Variants in RUNX1 observed in about 807,000 individuals in gnomAD.
RUNX1 encodes runt-related transcription factor 1.
RUNX1 carries 19 observed loss-of-function variants against 42.8 expected under a neutral mutation model. That is an observed-to-expected ratio of 0.44 (90% CI 0.31 to 0.65). RUNX1 has a LOEUF of 0.65. Among genes scored for constraint, RUNX1 ranks in the 30% least tolerant of loss-of-function variants. The pLI is 0.07. For synonymous variants in RUNX1, 271 were observed against 289.4 expected (o/e 0.94, Z 0.64); for missense variants, 528 against 672.0 (o/e 0.79, Z 2.37).
intron 2 of RUNX1, among the ~76,000 whole-genome samples, chr21:35,035,005 C>T (rs1367063263): frequency 6.6e-6 from 1 of 152,210 alleles, no homozygotes; most frequent in Non-Finnish European, 1.5e-5. Flanking sequence ...TACAAGGATG[C>T]ATTAGTGACC....
chr21:34,821,789 C>A, intron 7 of RUNX1: 3 of 1,077,876 alleles, frequency 2.8e-6, no homozygotes, highest in Admixed American at 2.8e-5. Context: ...TACCCCAAGG[C>A]GTGAAAGAAT....
chr21:35,026,111 G>A (rs977909093), intron 2 of RUNX1, among the ~76,000 whole-genome samples: 51 of 152,304 alleles, frequency 3.3e-4, no homozygotes, highest in Non-Finnish European at 1.2e-4. Flanking sequence ...GACTCAAGAT[G>A]TCCTTTTTAG....
intron 2 of RUNX1, among the ~76,000 whole-genome samples, chr21:34,950,734 AG>A (rs1489848338): frequency 6.6e-6 from 1 of 152,152 alleles, no homozygotes; most frequent in Non-Finnish European, 1.5e-5. Context: ...ACTTTGTCTC[AG>A]AAAAAAATTG....
chr21:34,825,689 G>A (rs941764982), intron 7 of RUNX1, among the ~76,000 whole-genome samples: 1 of 152,148 alleles, frequency 6.6e-6, no homozygotes, highest in African/African-American at 2.4e-5. Flanking sequence ...CAGTTTGAAC[G>A]GTGGCTCCAG....
chr21:34,802,499 A>G (rs969165460), intron 7 of RUNX1, among the ~76,000 whole-genome samples: 2 of 152,316 alleles, frequency 1.3e-5, no homozygotes, highest in South Asian at 4.1e-4. Flanking sequence ...TCATGTGTTC[A>G]TGAAATTACT....
chr21:34,854,061 G>A (rs779568596), intron 6 of RUNX1, among the ~76,000 whole-genome samples: 15 of 152,094 alleles, frequency 9.9e-5, no homozygotes, highest in Non-Finnish European at 1.3e-4. Context: ...TGAGCCGCCC[G>A]CATTGGCCTC....
intron 2 of RUNX1, among the ~76,000 whole-genome samples, chr21:34,978,154 G>A (rs2058817460): frequency 1.3e-5 from 2 of 152,132 alleles, no homozygotes; most frequent in South Asian, 2.1e-4. Flanking sequence ...TAGCCAGGAT[G>A]GTCTCGATCT....
chr21:34,817,644 G>A (rs1370450225), intron 7 of RUNX1, among the ~76,000 whole-genome samples: 1 of 152,102 alleles, frequency 6.6e-6, no homozygotes, highest in Admixed American at 6.5e-5. Context: ...CTACATGTGT[G>A]AGATTTTCTT....
At chr21:34,846,716 C>CT (rs1023779416) in intron 6 of RUNX1, among the ~76,000 whole-genome samples, 2 of 152,158 alleles carry the variant, frequency 1.3e-5, no homozygotes, top group African/African-American at 4.8e-5. Context: ...GAGCAGCTCC[C>CT]GAGAACAGAC....
chr21:34,799,459 GTATCTGAAGAGAATCAGAAAGGTCAAT>G lies in RUNX1; in HGVS notation c.806-24_808del. 1 of 1,613,984 alleles carries G rather than the reference GTATCTGAAGAGAATCAGAAAGGTCAAT, an allele frequency of 6.2e-7. No homozygotes were observed. Among genetic ancestry groups the G allele is most frequent in the Non-Finnish European group, 8.5e-7 (1 of 1,179,842 alleles). On this transcript the variant is annotated splice_acceptor_variant and splice_polypyrimidine_tract_variant and coding_sequence_variant and intron_variant, in exon 8 of 9. Coordinates refer to ENST00000675419, the MANE Select transcript of RUNX1 (RefSeq NM_001754.5). LOFTEE classifies it high-confidence loss of function. ...CGGTGGGGATGGTTGGATCTGCCTT[GTATCTGAAGAGAATCAGAAAGGTCAAT>G]TATATGTAAAGTGGGGTGGGATTTA...
chr21:34,963,127 T>G (rs1453253043), intron 2 of RUNX1, among the ~76,000 whole-genome samples: 1 of 152,194 alleles, frequency 6.6e-6, no homozygotes, highest in Non-Finnish European at 1.5e-5. Context: ...GTTTGTATCT[T>G]TAAGCGCTCA....
intron 7 of RUNX1, among the ~76,000 whole-genome samples, chr21:34,817,873 C>CG (rs2056850170): frequency 6.6e-6 from 1 of 152,178 alleles, no homozygotes; most frequent in Non-Finnish European, 1.5e-5. Context: ...GACTCCTGCC[C>CG]GGGGCCGCCT....
chr21:34,937,012 G>T (rs750887867), intron 2 of RUNX1, among the ~76,000 whole-genome samples: 2 of 152,010 alleles, frequency 1.3e-5, no homozygotes, highest in Non-Finnish European at 2.9e-5. Flanking sequence ...GGGAGACAAA[G>T]GATTCTATTG....
intron 6 of RUNX1, among the ~76,000 whole-genome samples, chr21:34,840,054 C>T (rs76469164): frequency 0.027 from 4,140 of 152,198 alleles, 67 homozygotes; most frequent in African/African-American, 0.04. Context: ...GGTGTGTGAC[C>T]GTCTCTGTCT....
chr21:34,838,197 T>C (rs1181675107), intron 6 of RUNX1, among the ~76,000 whole-genome samples: 1 of 152,016 alleles, frequency 6.6e-6, no homozygotes, highest in Non-Finnish European at 1.5e-5. Context: ...AGCTGCCTTT[T>C]TCAAGACACC....
intron 2 of RUNX1, chr21:35,038,832 A>C: frequency 2.3e-6 from 1 of 442,870 alleles, no homozygotes; most frequent in Non-Finnish European, 4.6e-6. Flanking sequence ...GCCTTGGCCG[A>C]GGCCATCTCT....
intron 6 of RUNX1, among the ~76,000 whole-genome samples, chr21:34,837,906 C>G (rs1466260144): frequency 2.6e-5 from 4 of 151,974 alleles, no homozygotes; most frequent in African/African-American, 7.3e-5. Flanking sequence ...GTACCATTTT[C>G]TCATTTTTGA....
chr21:34,996,751 G>A (rs1233299431), intron 2 of RUNX1, among the ~76,000 whole-genome samples: 7 of 151,892 alleles, frequency 4.6e-5, no homozygotes, highest in East Asian at 1.9e-4. Context: ...AAGTGTTGCC[G>A]TAAGTAATCT....
At chr21:34,821,398 T>C (rs2145999884) in intron 7 of RUNX1, 1 of 1,281,944 alleles carries the variant, frequency 7.8e-7, no homozygotes, top group Admixed American at 3.5e-5. Flanking sequence ...ATACACACAA[T>C]GCTTCCCATG....
Sources: allele counts gnomAD v4.1 joint callset (sites outside exome capture counted in the v4.1 genomes callset), GRCh38; gene constraint gnomAD v4.1.1; transcripts MANE v1.5; gene names NCBI Gene and HGNC (gene_info 2026-07-23, HGNC 2026-07-21).